The following SNTG2 variants were observed in gnomAD, a reference collection of about 807,000 sequenced individuals.
SNTG2 encodes the protein gamma-2-syntrophin.
Under a neutral mutation model 70.9 loss-of-function variants are expected in SNTG2, and 74 were observed. The observed-to-expected ratio is 1.04, with a 90% CI of 0.86 to 1.27. The LOEUF is 1.27. SNTG2 is among the 50% of genes most tolerant of loss of function. SNTG2 has a pLI of 0.00. For synonymous variants in SNTG2, 278 were observed against 273.8 expected (o/e 1.02, Z -0.15); for missense variants, 717 against 690.7 (o/e 1.04, Z -0.43).
chr2:984,948 T>G (rs1661255880), intron 1 of SNTG2, among the ~76,000 whole-genome samples: 1 of 147,226 alleles, frequency 6.8e-6, no homozygotes, highest in South Asian at 2.2e-4. Context: ...TTACATAGTT[T>G]TCTTCAGTAA....
chr2:1,166,749 C>G (rs1670734585), intron 7 of SNTG2, among the ~76,000 whole-genome samples: 1 of 152,184 alleles, frequency 6.6e-6, no homozygotes, highest in Non-Finnish European at 1.5e-5. Flanking sequence ...GCCTACCACG[C>G]CCCCATCCTA....
intron 4 of SNTG2, among the ~76,000 whole-genome samples, chr2:1,132,494 G>A (rs1668090720): frequency 6.6e-6 from 1 of 152,084 alleles, no homozygotes; most frequent in Non-Finnish European, 1.5e-5. Flanking sequence ...CTTGATGTAG[G>A]CAATTTTCCC....
chr2:1,129,606 T>A (rs1667900636), intron 4 of SNTG2, among the ~76,000 whole-genome samples: 1 of 152,240 alleles, frequency 6.6e-6, no homozygotes. Context: ...TTATTTGTCA[T>A]TCTAAGTAGT....
chr2:1,278,305 A>G (rs1436561345), intron 14 of SNTG2, among the ~76,000 whole-genome samples: 70 of 152,268 alleles, frequency 4.6e-4, no homozygotes, highest in Non-Finnish European at 4.4e-5. Context: ...CATGTCAGTT[A>G]CCGCACCAGG....
rs866111222 is a variant in SNTG2 at position 965,149 on chromosome 2, T to C, written c.72+14081T>C. Among the ~76,000 whole-genome samples, 902 of 131,242 alleles carry C rather than the reference T, an allele frequency of 6.9e-3. 15 individuals carry two copies. Among genetic ancestry groups the C allele is most frequent in the African/African-American group, 0.023 (805 of 35,236 alleles). 86.1% of individuals were successfully genotyped at this position (131,242 alleles called of 152,430 possible). A position where few individuals can be genotyped will look rare whatever the true frequency, so the allele number is the denominator to read the frequency against. On this transcript the variant is annotated intron_variant, in intron 1 of 16. Transcript: ENST00000308624. ...CCTTGGACCCCAATCCTCCTCCTGGTCCCCAGTCCTCCTCCTTGGACCCCA... is the reference window on the plus strand; with the variant it reads ...CCTTGGACCCCAATCCTCCTCCTGGCCCCCAGTCCTCCTCCTTGGACCCCA...
intron 9 of SNTG2, among the ~76,000 whole-genome samples, chr2:1,223,900 C>T (rs546186020): frequency 1.3e-5 from 2 of 151,622 alleles, no homozygotes; most frequent in South Asian, 4.2e-4. Context: ...ATGCAGCAGA[C>T]ATGCGTCCCT....
At chr2:1,118,854 A>T (rs1324418773) in intron 4 of SNTG2, among the ~76,000 whole-genome samples, 1 of 152,176 alleles carries the variant, frequency 6.6e-6, no homozygotes, top group Non-Finnish European at 1.5e-5. Flanking sequence ...GTTATTTAAT[A>T]AAATAATTAC....
chr2:1,206,118 TA>T (rs1030666859), intron 8 of SNTG2, among the ~76,000 whole-genome samples: 4 of 152,146 alleles, frequency 2.6e-5, no homozygotes, highest in African/African-American at 9.7e-5. Flanking sequence ...GATCAGCTGG[TA>T]GGAACATGCC....
intron 15 of SNTG2, among the ~76,000 whole-genome samples, chr2:1,310,962 C>T (rs147217571): frequency 1.3e-5 from 2 of 152,302 alleles, no homozygotes; most frequent in African/African-American, 2.4e-5. Flanking sequence ...ATAATTAAAG[C>T]GCATTTGTCT....
chr2:1,337,513 G>T (rs1330226862), intron 16 of SNTG2, among the ~76,000 whole-genome samples: 2 of 151,894 alleles, frequency 1.3e-5, no homozygotes, highest in Non-Finnish European at 1.5e-5. Flanking sequence ...CAGATTTTTT[G>T]CCCATTTTCT....
intron 12 of SNTG2, among the ~76,000 whole-genome samples, chr2:1,258,681 T>C (rs1275328257): frequency 6.6e-6 from 1 of 152,220 alleles, no homozygotes; most frequent in East Asian, 1.9e-4. Context: ...ATTTGTTACA[T>C]TGTTGAATAT....
intron 6 of SNTG2, among the ~76,000 whole-genome samples, chr2:1,145,301 G>C (rs1669026131): frequency 6.6e-6 from 1 of 151,908 alleles, no homozygotes; most frequent in Admixed American, 6.6e-5. Context: ...AAAAAAAGCT[G>C]TTTCTTTGTA....
intron 1 of SNTG2, among the ~76,000 whole-genome samples, chr2:1,070,775 T>C (rs554496273): frequency 1.7e-3 from 253 of 152,340 alleles, no homozygotes; most frequent in Non-Finnish European, 2.5e-3. Context: ...TGGATTTTAC[T>C]ACGATAATTT....
At chr2:1,179,341 T>C (rs1399882602) in intron 8 of SNTG2, among the ~76,000 whole-genome samples, 1 of 152,216 alleles carries the variant, frequency 6.6e-6, no homozygotes, top group Non-Finnish European at 1.5e-5. Context: ...CAAAATCTCC[T>C]TAAGCTGATA....
At chr2:1,199,257 A>G (rs893464818) in intron 8 of SNTG2, among the ~76,000 whole-genome samples, 8 of 151,692 alleles carry the variant, frequency 5.3e-5, no homozygotes, top group Non-Finnish European at 7.4e-5. Flanking sequence ...GACACATCAC[A>G]TCAATATAAT....
At chr2:1,022,360 C>A (rs1401497914) in intron 1 of SNTG2, among the ~76,000 whole-genome samples, 2 of 151,886 alleles carry the variant, frequency 1.3e-5, no homozygotes, top group African/African-American at 4.8e-5. Flanking sequence ...TGTGCGTTCC[C>A]GTGAATCCCT....
intron 1 of SNTG2, among the ~76,000 whole-genome samples, chr2:1,011,943 T>A (rs1178809059): frequency 2.0e-5 from 3 of 152,240 alleles, no homozygotes; most frequent in Admixed American, 2.0e-4. Flanking sequence ...TTTCTTCATA[T>A]GTATTTTATA....
chr2:1,250,101 C>G (rs1009502992), intron 12 of SNTG2, among the ~76,000 whole-genome samples: 1 of 152,188 alleles, frequency 6.6e-6, no homozygotes, highest in Non-Finnish European at 1.5e-5. Context: ...GCAGACTCCT[C>G]ATTCACGTAG....
chr2:1,162,444 A>C (rs981859459), intron 6 of SNTG2, among the ~76,000 whole-genome samples: 3 of 152,042 alleles, frequency 2.0e-5, no homozygotes, highest in African/African-American at 4.8e-5. Flanking sequence ...CATGAATCTC[A>C]AACTGCTCTT....
Sources: allele counts gnomAD v4.1 joint callset (sites outside exome capture counted in the v4.1 genomes callset), GRCh38; gene constraint gnomAD v4.1.1; transcripts MANE v1.5; gene names NCBI Gene and HGNC (gene_info 2026-07-23, HGNC 2026-07-21).